Variants in OXR1 observed in about 807,000 individuals in gnomAD.
OXR1 encodes oxidation resistance 1, also known as oxidation resistance protein 1.
In OXR1, 41 loss-of-function variants were observed where a neutral mutation model predicts 104.6. The ratio of observed to expected loss-of-function variants is 0.39; its 90% CI spans 0.31 to 0.51. The LOEUF (loss-of-function observed/expected upper bound fraction) is 0.51, where lower values mean the gene tolerates loss of function less well. OXR1 is among the 20% of genes least tolerant of loss of function. The pLI is 0.77. For synonymous variants in OXR1, 348 were observed against 348.4 expected, an observed-to-expected ratio of 1.00 and a Z score of 0.01; for missense variants, 955 against 1,031.9, an observed-to-expected ratio of 0.93 and a Z score of 1.02.
chr8:106,409,451 A>C (rs1818373214), intron 2 of OXR1, among the ~76,000 whole-genome samples: 1 of 152,180 alleles, frequency 6.6e-6, no homozygotes, highest in Non-Finnish European at 1.5e-5. Context: ...GCAAACAAAA[A>C]ACAGGAAGGG....
intron 16 of OXR1, among the ~76,000 whole-genome samples, chr8:106,750,326 T>TTC (rs1835782744): frequency 7.3e-6 from 1 of 136,318 alleles, no homozygotes; most frequent in African/African-American, 2.6e-5. Flanking sequence ...TTTCTTTTCT[T>TTC]TTTTTTTTTT....
In OXR1 at chr8:106,710,670, T is replaced by C; in HGVS notation, c.1673T>C (p.Leu558Ser). ...CAAAGGCATCGATTACATAAGTTCT[T>C]GTGTCTCAGAGTTGGAAAACCAATG... is the stretch of plus-strand genomic sequence containing the variant. ...EKQRHRLHKF[L>S]CLRVGKPMRK... The change falls in exon 10 of 17, where the codon TTG (leucine) becomes TCG (serine). Residue 558 changes from leucine (L) to serine (S), a missense_variant. Transcript: ENST00000517566. 6.2e-7 allele frequency: 1 copy of C among 1,601,998 alleles called. No individual in the cohort carries two copies. Among genetic ancestry groups the C allele is most frequent in the Non-Finnish European group, 8.5e-7 (1 of 1,173,846 alleles).
intron 3 of OXR1, among the ~76,000 whole-genome samples, chr8:106,543,125 T>C (rs1390775062): frequency 2.0e-5 from 3 of 152,174 alleles, no homozygotes; most frequent in Admixed American, 1.3e-4. Flanking sequence ...CAGAGCAGAA[T>C]TGAGGAAGGA....
At chr8:106,614,580 C>T (rs1464599730) in intron 3 of OXR1, among the ~76,000 whole-genome samples, 2 of 152,144 alleles carry the variant, frequency 1.3e-5, no homozygotes, top group Admixed American at 1.3e-4. Context: ...TAGTGGACAG[C>T]TCTAAGCACA....
intron 2 of OXR1, among the ~76,000 whole-genome samples, chr8:106,360,091 G>A (rs1331430192): frequency 3.9e-5 from 6 of 151,928 alleles, no homozygotes; most frequent in South Asian, 4.2e-4. Context: ...ACTGAAATAC[G>A]GAATAGAAAA....
intron 11 of OXR1, among the ~76,000 whole-genome samples, chr8:106,730,963 G>C (rs1321318456): frequency 2.0e-5 from 3 of 152,060 alleles, no homozygotes; most frequent in Non-Finnish European, 2.9e-5. Flanking sequence ...TCATCTGGCT[G>C]TACCCATTTT....
At chr8:106,533,679 T>C (rs1408142503) in intron 3 of OXR1, among the ~76,000 whole-genome samples, 3 of 151,568 alleles carry the variant, frequency 2.0e-5, no homozygotes, top group African/African-American at 7.3e-5. Context: ...AGTTTTATGA[T>C]ATGCTACCTG....
intron 1 of OXR1, among the ~76,000 whole-genome samples, chr8:106,306,810 G>A (rs529975534): frequency 3.9e-5 from 6 of 152,150 alleles, no homozygotes; most frequent in African/African-American, 7.2e-5. Flanking sequence ...ACATGGTTGT[G>A]TACAACTGCT....
chr8:106,370,645 A>G (rs900813931), intron 2 of OXR1, among the ~76,000 whole-genome samples: 4 of 152,200 alleles, frequency 2.6e-5, no homozygotes, highest in African/African-American at 4.8e-5. Flanking sequence ...TTCTACATCT[A>G]TTGAGGTAAT....
In OXR1 at chr8:106,710,682, T is replaced by C. The variant is rs753827081; in HGVS notation, c.1685T>C (p.Val562Ala). ...HRLHKFLCLR[V>A]GKPMRKTFVS... is the part of the protein sequence containing the mutation. ...TTACATAAGTTCTTGTGTCTCAGAG[T>C]TGGAAAACCAATGAGGAAAACGTTT... The change falls in exon 10 of 17, where the codon GTT becomes GCT. Residue 562 changes from valine to alanine, a missense_variant. Coordinates refer to ENST00000517566, the MANE Select transcript of OXR1 (RefSeq NM_001198533.2). 1.2e-6 allele frequency: 2 copies of C among 1,604,316 alleles called. No homozygotes were observed. The highest frequency in any genetic ancestry group is 1.1e-5 in the South Asian group (1 of 89,744).
chr8:106,740,251 T>A, intron 13 of OXR1, 92 bp from the exon 14 acceptor site: 4 of 846,708 alleles, frequency 4.7e-6, no homozygotes, highest in Non-Finnish European at 7.5e-6. Context: ...TAGCCTATAT[T>A]ATATAGGCAC....
intron 1 of OXR1, among the ~76,000 whole-genome samples, chr8:106,330,307 TG>T (rs1814657226): frequency 6.6e-6 from 1 of 152,146 alleles, no homozygotes; most frequent in African/African-American, 2.4e-5. Context: ...AGCTTCATGG[TG>T]GGGTAGTGCA....
intron 3 of OXR1, among the ~76,000 whole-genome samples, chr8:106,666,378 C>A (rs1826333393): frequency 6.6e-6 from 1 of 152,130 alleles, no homozygotes; most frequent in South Asian, 2.1e-4. Context: ...AAATGAGGAA[C>A]TGGATTGAGA....
chr8:106,722,450 A>G (rs927648685), intron 11 of OXR1, among the ~76,000 whole-genome samples: 11 of 152,226 alleles, frequency 7.2e-5, no homozygotes, highest in African/African-American at 2.4e-4. Flanking sequence ...AGAATTTATT[A>G]GTTGATAGGT....
intron 3 of OXR1, among the ~76,000 whole-genome samples, chr8:106,614,476 G>A (rs1289132414): frequency 6.6e-6 from 1 of 152,208 alleles, no homozygotes; most frequent in African/African-American, 2.4e-5. Flanking sequence ...AGAAGCAAGA[G>A]CATTTTTGAC....
intron 2 of OXR1, among the ~76,000 whole-genome samples, chr8:106,446,074 A>C (rs2130601069): frequency 6.6e-6 from 1 of 152,324 alleles, no homozygotes; most frequent in East Asian, 1.9e-4. Context: ...TTTCCAGTCC[A>C]GGCAGATGAA....
intron 14 of OXR1, 78 bp from the exon 15 acceptor site, chr8:106,742,144 T>G: frequency 1.2e-6 from 1 of 844,658 alleles, no homozygotes; most frequent in Non-Finnish European, 2.0e-6. Flanking sequence ...GCATTTTATT[T>G]AAACATATAT....
intron 2 of OXR1, among the ~76,000 whole-genome samples, chr8:106,445,709 G>T (rs746476179): frequency 5.9e-5 from 9 of 152,314 alleles, no homozygotes; most frequent in Non-Finnish European, 1.0e-4. Context: ...GGGCAGAAAT[G>T]AAAGGACATT....
chr8:106,443,953 G>A (rs1819900404), intron 2 of OXR1, among the ~76,000 whole-genome samples: 1 of 151,924 alleles, frequency 6.6e-6, no homozygotes, highest in African/African-American at 2.4e-5. Flanking sequence ...ATCTGACAAA[G>A]GTCTGATATC....
Sources: gnomAD v4.1 joint callset for allele counts (sites outside exome capture counted in the v4.1 genomes callset) on GRCh38, gnomAD v4.1.1 for gene constraint, MANE v1.5 for transcripts, NCBI Gene and HGNC (gene_info 2026-07-23, HGNC 2026-07-21) for gene names.